Variants in RYR3 observed in about 807,000 individuals in gnomAD.
The protein encoded by RYR3 is brain ryanodine receptor-calcium release channel.
Under a neutral mutation model 584.3 loss-of-function variants are expected in RYR3, and 207 were observed. The observed-to-expected ratio is 0.35, with a 90% CI of 0.32 to 0.40. The LOEUF is 0.40. Among genes scored for constraint, RYR3 ranks in the 10% least tolerant of loss-of-function variants. RYR3 has a pLI of 1.00. For missense variants in RYR3, 5,616 were observed against 6,089.2 expected (o/e 0.92, Z 2.59); for synonymous variants, 2,416 against 2,248.5 (o/e 1.07, Z -2.11).
intron 2 of RYR3, among the ~76,000 whole-genome samples, chr15:33,493,633 G>A (rs192074445): frequency 6.6e-5 from 10 of 152,238 alleles, no homozygotes; most frequent in East Asian, 1.9e-4. Context: ...GTAACATGCC[G>A]ACCATGTGCT....
At chr15:33,684,577 A>T (rs2201504) in intron 38 of RYR3, among the ~76,000 whole-genome samples, 49,212 of 152,108 alleles carry the variant, frequency 0.32, 8,782 homozygotes, top group East Asian at 0.46. Context: ...CAGGCCAACA[A>T]TCAAATTCAG....
intron 102 of RYR3, among the ~76,000 whole-genome samples, chr15:33,862,929 G>GT (rs950487883): frequency 1.7e-4 from 26 of 152,224 alleles, no homozygotes; most frequent in Non-Finnish European, 2.1e-4. Flanking sequence ...AAAAACTTGA[G>GT]TTTTAAAAAG....
chr15:33,833,502 C>A (rs1470711462), intron 86 of RYR3, among the ~76,000 whole-genome samples: 1 of 152,176 alleles, frequency 6.6e-6, no homozygotes, highest in South Asian at 2.1e-4. Flanking sequence ...GTTATAAGGA[C>A]ATGAAGTGAT....
chr15:33,331,010 A>C (rs1970314104), intron 1 of RYR3, among the ~76,000 whole-genome samples: 1 of 152,154 alleles, frequency 6.6e-6, no homozygotes, highest in African/African-American at 2.4e-5. Flanking sequence ...CCCCAGGAGC[A>C]GTGTGCTCCA....
chr15:33,378,930 T>C (rs1447737746), intron 1 of RYR3, among the ~76,000 whole-genome samples: 2 of 151,498 alleles, frequency 1.3e-5, no homozygotes, highest in Non-Finnish European at 2.9e-5. Context: ...GTGCTACTGC[T>C]CTCCAGCCTG....
intron 3 of RYR3, among the ~76,000 whole-genome samples, chr15:33,517,057 C>T (rs1372822752): frequency 6.6e-6 from 1 of 152,114 alleles, no homozygotes; most frequent in Non-Finnish European, 1.5e-5. Context: ...TGCAGTGGCA[C>T]AATCTTGGCT....
chr15:33,759,233 C>T (rs2152864406), intron 60 of RYR3, among the ~76,000 whole-genome samples: 1 of 152,328 alleles, frequency 6.6e-6, no homozygotes, highest in Middle Eastern at 3.4e-3. Context: ...CAGAATGTCT[C>T]TTCTCCTCCA....
chr15:33,525,863 A>G (rs1403788205), intron 3 of RYR3, among the ~76,000 whole-genome samples: 2 of 152,234 alleles, frequency 1.3e-5, no homozygotes, highest in Admixed American at 6.5e-5. Flanking sequence ...GAGCTTCCAG[A>G]AAGACTTCTT....
In RYR3 at chr15:33,548,150, G is replaced by T. The variant is rs1300927401; in HGVS notation, c.761G>T (p.Gly254Val). The change falls in exon 9 of 104, where the codon GGG (glycine) becomes GTG (valine). Residue 254 changes from glycine (G) to valine (V), a missense_variant. Physicochemically the swap from Gly to Val is moderately radical, Grantham distance 109. Around this residue, in one of 9 missense-constraint regions of RYR3, gnomAD observed 1,284 missense variants for 1,344.6 expected, o/e 0.95. Coordinates refer to ENST00000634891, the MANE Select transcript of RYR3 (RefSeq NM_001036.6). ...CACAGGAGGATATTCTACGAAGCTGGGGGAGCTGGGACTCGAGCCAGGTCT... is the reference window on the plus strand; with the variant it reads ...CACAGGAGGATATTCTACGAAGCTGTGGGAGCTGGGACTCGAGCCAGGTCT... ...SQHRRIFYEA[G>V]GAGTRARSLW... 5 of 1,612,578 alleles carry T rather than the reference G, an allele frequency of 3.1e-6. No homozygotes were observed. The highest frequency in any genetic ancestry group is 3.4e-6 in the Non-Finnish European group (4 of 1,179,354).
At chr15:33,746,877 C>T (rs2070773747) in intron 53 of RYR3, among the ~76,000 whole-genome samples, 5 of 140,744 alleles carry the variant, frequency 3.6e-5, no homozygotes, top group Admixed American at 7.2e-5. Flanking sequence ...GGTGTGATCT[C>T]GGCTCACTGC....
At chr15:33,619,575 C>T (rs1195808212) in intron 19 of RYR3, among the ~76,000 whole-genome samples, 1 of 152,156 alleles carries the variant, frequency 6.6e-6, no homozygotes, top group Admixed American at 6.5e-5. Flanking sequence ...GAGAAGTTCT[C>T]GGGTAGGTCC....
intron 1 of RYR3, among the ~76,000 whole-genome samples, chr15:33,461,986 T>G (rs1394128846): frequency 6.6e-6 from 1 of 152,268 alleles, no homozygotes; most frequent in East Asian, 1.9e-4. Context: ...TAGTTCTGAA[T>G]GGAGCTGGAA....
At chr15:33,567,168 G>A (rs1173796191) in intron 12 of RYR3, among the ~76,000 whole-genome samples, 1 of 152,222 alleles carries the variant, frequency 6.6e-6, no homozygotes, top group African/African-American at 2.4e-5. Flanking sequence ...TGTAGAAAGG[G>A]TTTCTACAAT....
chr15:33,839,722 G>A (rs943769561), intron 89 of RYR3: 11 of 152,206 alleles, frequency 7.2e-5, no homozygotes, highest in African/African-American at 2.7e-4. Flanking sequence ...ACAGCTTAGT[G>A]GAGAATAAAG....
In RYR3 at chr15:33,665,842, C is replaced by T. The variant is rs78183667; in HGVS notation, c.5619+2105C>T. ...CTAGCAAAGGGATGATGAGTATGTA[C>T]CATCCTTTAGTATTCTAAGCAATCC... is the stretch of plus-strand genomic sequence containing the variant. On this transcript the variant is annotated intron_variant, in intron 36 of 103. Transcript: ENST00000634891. 5.0e-3 allele frequency among the ~76,000 whole-genome samples: 757 copies of T among 152,320 alleles called. 7 individuals are homozygous for T. The highest frequency in any genetic ancestry group is 0.017 in the African/African-American group (691 of 41,564).
At chr15:33,490,928 G>A (rs1022440494) in intron 2 of RYR3, among the ~76,000 whole-genome samples, 1 of 152,112 alleles carries the variant, frequency 6.6e-6, no homozygotes, top group East Asian at 1.9e-4. Context: ...CAGTATCCAT[G>A]GGGCTTGGCA....
At chr15:33,574,631 A>G (rs930658890) in intron 12 of RYR3, among the ~76,000 whole-genome samples, 6 of 152,124 alleles carry the variant, frequency 3.9e-5, no homozygotes, top group African/African-American at 1.4e-4. Context: ...ACAAAATTGG[A>G]ATGATCACCT....
chr15:33,685,832 C>T (rs1481415178), intron 38 of RYR3, among the ~76,000 whole-genome samples: 6 of 152,168 alleles, frequency 3.9e-5, no homozygotes, highest in African/African-American at 1.2e-4. Flanking sequence ...CAATCTGCTC[C>T]TCAATGACTA....
chr15:33,838,290 G>A lies in RYR3; in HGVS notation c.12310G>A (p.Glu4104Lys). Reference sequence around the variant, plus strand: ...AATGCAGTTAGCATCTCAGATCTCTGAATCCGATTCAGCTGACAGGCCAGA... The same window carrying A: ...AATGCAGTTAGCATCTCAGATCTCTAAATCCGATTCAGCTGACAGGCCAGA... The part of the protein sequence containing the change: ...FEMQLASQIS[E>K]SDSADRPEEE... Residue 4104 changes from glutamate to lysine, a missense_variant, in exon 89 of 104, where the codon GAA (glutamate) becomes AAA (lysine). Transcript: ENST00000634891. The A allele has an allele frequency of 1.2e-6, 2 of 1,614,026 alleles. No individual in the cohort carries two copies. Among genetic ancestry groups the A allele is most frequent in the East Asian group, 4.5e-5 (2 of 44,884 alleles).
Sources: allele counts gnomAD v4.1 joint callset (sites outside exome capture counted in the v4.1 genomes callset), GRCh38; gene constraint gnomAD v4.1.1; regional missense constraint gnomAD v4.1.1; transcripts MANE v1.5; gene names NCBI Gene and HGNC (gene_info 2026-07-23, HGNC 2026-07-21).